Variants in MTUS2 observed in about 807,000 individuals in gnomAD.
The protein encoded by MTUS2 is microtubule associated scaffold protein 2, also known as microtubule-associated tumor suppressor candidate 2.
In MTUS2, 40 loss-of-function variants were observed where a neutral mutation model predicts 114.1. The ratio of observed to expected loss-of-function variants is 0.35; its 90% CI spans 0.27 to 0.46. The LOEUF (loss-of-function observed/expected upper bound fraction) is 0.46, where lower values mean the gene tolerates loss of function less well. Ranked by LOEUF, MTUS2 falls within the 20% of genes least tolerant of loss-of-function variation. The pLI, the probability that MTUS2 is intolerant of heterozygous loss-of-function variation, is 1.00. For missense variants in MTUS2, 1,679 were observed against 1,705.4 expected (o/e 0.98, Z 0.27); for synonymous variants, 688 against 672.0 (o/e 1.02, Z -0.37).
At position 29,445,026 on chromosome 13, in the gene MTUS2, AC is replaced by A. The variant is rs539807492; in HGVS notation, c.3184+4979del. 1.3e-3 allele frequency among the ~76,000 whole-genome samples: 194 copies of A among 152,220 alleles called. 1 individual carries two copies. The highest frequency in any genetic ancestry group is 4.5e-3 in the African/African-American group (187 of 41,548). On this transcript the variant is annotated intron_variant, in intron 9 of 15. Transcript: ENST00000612955. ...ACATTTGCAGACACTGCCCATTTAT[AC>A]CTTCCCATTTGTGACATCTCTGGTG...
chr13:29,283,221 G>A (rs1898345784), intron 6 of MTUS2, among the ~76,000 whole-genome samples: 1 of 152,142 alleles, frequency 6.6e-6, no homozygotes. Flanking sequence ...TAGACTAGCT[G>A]GAACCTCTTG....
At chr13:29,122,355 G>A (rs1448559624) in intron 5 of MTUS2, among the ~76,000 whole-genome samples, 6 of 152,170 alleles carry the variant, frequency 3.9e-5, no homozygotes, top group Non-Finnish European at 5.9e-5. Context: ...CCACGTGGCT[G>A]GAGAGGCCTC....
intron 4 of MTUS2, among the ~76,000 whole-genome samples, chr13:29,050,628 A>G (rs1039741609): frequency 6.6e-6 from 1 of 152,160 alleles, no homozygotes. Flanking sequence ...CCACCAGTGA[A>G]CACAGGGTAA....
chr13:29,389,815 ATACATACATATG>A (rs1873184290), intron 8 of MTUS2, among the ~76,000 whole-genome samples: 3 of 63,334 alleles, frequency 4.7e-5, no homozygotes, highest in African/African-American at 2.1e-4. Context: ...ATGTGTATAT[ATACATACATATG>A]TGTATATATA....
intron 4 of MTUS2, among the ~76,000 whole-genome samples, chr13:29,057,303 G>A (rs996189799): frequency 8.6e-5 from 13 of 152,004 alleles, no homozygotes; most frequent in Non-Finnish European, 1.6e-4. Flanking sequence ...GTAGATATAT[G>A]TTAGGCCCAT....
chr13:28,836,219 A>G (rs1875075011), intron 1 of MTUS2, among the ~76,000 whole-genome samples: 1 of 152,208 alleles, frequency 6.6e-6, no homozygotes, highest in Non-Finnish European at 1.5e-5. Flanking sequence ...TTCATGTTGA[A>G]TCCTCAAAAT....
At chr13:29,257,902 A>G (rs886994597) in intron 5 of MTUS2, among the ~76,000 whole-genome samples, 1 of 152,206 alleles carries the variant, frequency 6.6e-6, no homozygotes, top group African/African-American at 2.4e-5. Flanking sequence ...GGTGGCCTCA[A>G]GAGTCCATGA....
intron 2 of MTUS2, among the ~76,000 whole-genome samples, chr13:28,848,522 A>G (rs144061701): frequency 0.021 from 3,246 of 152,188 alleles, 49 homozygotes; most frequent in Middle Eastern, 0.034. Context: ...TTGGAATGTT[A>G]GTGGTACCTG....
At chr13:29,427,129 G>A (rs73172618) in intron 8 of MTUS2, among the ~76,000 whole-genome samples, 23 of 152,220 alleles carry the variant, frequency 1.5e-4, no homozygotes, top group Non-Finnish European at 3.2e-4. Flanking sequence ...CCTTTTCCCT[G>A]GCACACTTTG....
chr13:29,093,592 C>A (rs1265429795), intron 4 of MTUS2, among the ~76,000 whole-genome samples: 1 of 152,036 alleles, frequency 6.6e-6, no homozygotes, highest in Non-Finnish European at 1.5e-5. Context: ...CAGTTGATTT[C>A]TGTATGTTGA....
chr13:29,297,911 G>T (rs2139597183), intron 6 of MTUS2, among the ~76,000 whole-genome samples: 2 of 152,260 alleles, frequency 1.3e-5, no homozygotes, highest in South Asian at 4.2e-4. Context: ...ATTCAGTGCT[G>T]TGTAAAAGAA....
intron 2 of MTUS2, among the ~76,000 whole-genome samples, chr13:29,017,984 T>G (rs1020206882): frequency 3.9e-5 from 6 of 152,218 alleles, no homozygotes; most frequent in African/African-American, 1.4e-4. Context: ...AAGCATGATA[T>G]GACAGTTCCA....
At chr13:29,251,011 T>C (rs1897105692) in intron 5 of MTUS2, among the ~76,000 whole-genome samples, 1 of 152,188 alleles carries the variant, frequency 6.6e-6, no homozygotes, top group South Asian at 2.1e-4. Context: ...ACATTGTCAC[T>C]GATTCTCTTG....
intron 2 of MTUS2, among the ~76,000 whole-genome samples, chr13:28,949,985 T>C (rs1882729559): frequency 6.6e-6 from 1 of 152,252 alleles, no homozygotes; most frequent in African/African-American, 2.4e-5. Flanking sequence ...GGGGAATTTC[T>C]GGATCATGCA....
intron 5 of MTUS2, among the ~76,000 whole-genome samples, chr13:29,188,207 A>G (rs1336549231): frequency 6.6e-6 from 1 of 152,176 alleles, no homozygotes; most frequent in Non-Finnish European, 1.5e-5. Context: ...AATAAACACT[A>G]AGAAGGTAGT....
At chr13:29,378,107 G>C (rs1332695300) in intron 8 of MTUS2, among the ~76,000 whole-genome samples, 4 of 152,288 alleles carry the variant, frequency 2.6e-5, no homozygotes, top group African/African-American at 9.6e-5. Context: ...GTTGCTGGAG[G>C]TTAGAGATGG....
intron 5 of MTUS2, among the ~76,000 whole-genome samples, chr13:29,228,806 A>G (rs1335660008): frequency 6.6e-6 from 1 of 152,200 alleles, no homozygotes; most frequent in Non-Finnish European, 1.5e-5. Flanking sequence ...CGTGTGATAT[A>G]TGTAATACAA....
intron 2 of MTUS2, among the ~76,000 whole-genome samples, chr13:28,923,980 A>G (rs1394992870): frequency 2.6e-5 from 4 of 151,872 alleles, no homozygotes; most frequent in Non-Finnish European, 4.4e-5. Context: ...CTTTTTCCCA[A>G]CTGGGAGCAG....
At chr13:29,333,605 G>A (rs7992772) in intron 7 of MTUS2, among the ~76,000 whole-genome samples, 40,095 of 152,034 alleles carry the variant, frequency 0.26, 5,983 homozygotes, top group African/African-American at 0.41. Flanking sequence ...TTTTACTTCC[G>A]ATTATGTGGT....
Sources: allele counts gnomAD v4.1 joint callset (sites outside exome capture counted in the v4.1 genomes callset), GRCh38; gene constraint gnomAD v4.1.1; transcripts MANE v1.5; gene names NCBI Gene and HGNC (gene_info 2026-07-23, HGNC 2026-07-21).